The following ZNF525 variants were observed in gnomAD, a reference collection of about 807,000 sequenced individuals.
The protein encoded by ZNF525 is zinc finger protein 525.
ZNF525 carries 33 observed loss-of-function variants against 37.6 expected under a neutral mutation model. The observed-to-expected ratio is 0.88, with a 90% CI of 0.67 to 1.17. ZNF525 has a LOEUF of 1.17. Ranked by LOEUF, ZNF525 falls within the 50% of genes most tolerant of loss-of-function variation. The pLI, the probability that ZNF525 is intolerant of heterozygous loss-of-function variation, is 0.00. For synonymous variants in ZNF525, 170 were observed against 182.3 expected, an observed-to-expected ratio of 0.93 and a Z score of 0.54; for missense variants, 449 against 543.1, an observed-to-expected ratio of 0.83 and a Z score of 1.72.
rs1227275569 is a variant in ZNF525, at chr19:53,380,757, T to C, written c.178T>C (p.Ser60Pro). The stretch of plus-strand genomic sequence containing the variant: ...CAAATGCACAATGAAGGAGTTCTCA[T>C]CAACAGCACAAGGCAATACAGAAGT... ...SSKCTMKEFS[S>P]TAQGNTEVIH... Residue 60 changes from serine to proline, a missense_variant, in exon 4 of 4, where the codon TCA (serine) becomes CCA (proline). By Grantham distance (74) the Ser-to-Pro change is moderately conservative. Transcript: ENST00000474037. The C allele has an allele frequency of 1.5e-6, 2 of 1,321,928 alleles. No homozygotes were observed. Among genetic ancestry groups the C allele is most frequent in the Admixed American group, 3.4e-5 (2 of 57,986 alleles). The allele number at this position is 1,321,928 out of a possible 1,614,324, so 81.9% of individuals were successfully genotyped here.
At chr19:53,370,712 T>C (rs2085481976) in intron 1 of ZNF525, among the ~76,000 whole-genome samples, 1 of 151,996 alleles carries the variant, frequency 6.6e-6, no homozygotes. Flanking sequence ...TGCAGAAGAA[T>C]GGAAGAAACA....
chr19:53,378,501 C>T (rs899841808), intron 3 of ZNF525, among the ~76,000 whole-genome samples: 1 of 152,138 alleles, frequency 6.6e-6, no homozygotes, highest in Non-Finnish European at 1.5e-5. Context: ...CACTACACTC[C>T]AGCCTGGGTG....
chr19:53,371,554 A>T (rs1052585383), intron 1 of ZNF525, among the ~76,000 whole-genome samples: 2 of 152,136 alleles, frequency 1.3e-5, no homozygotes, highest in Non-Finnish European at 2.9e-5. Context: ...TTTTTAATAG[A>T]GACAAGGTTT....
intron 1 of ZNF525, among the ~76,000 whole-genome samples, chr19:53,370,413 CAAAAAA>C (rs202164037): frequency 8.5e-6 from 1 of 118,268 alleles, no homozygotes. Flanking sequence ...GACTCCATGT[CAAAAAA>C]AAAAAAAAAA....
intron 3 of ZNF525, among the ~76,000 whole-genome samples, chr19:53,379,659 CT>C (rs1345455888): frequency 1.3e-5 from 2 of 152,132 alleles, no homozygotes; most frequent in Non-Finnish European, 2.9e-5. Flanking sequence ...TTACATAAAG[CT>C]TTTCGGTATG....
intron 1 of ZNF525, among the ~76,000 whole-genome samples, chr19:53,369,715 C>CTTTTTT (rs57431960): frequency 1.6e-4 from 13 of 81,200 alleles, no homozygotes; most frequent in East Asian, 3.9e-4. Context: ...AAAGAAGTTT[C>CTTTTTT]TTTTTTTTTT....
chr19:53,374,180 G>A (rs1009376084), intron 2 of ZNF525, among the ~76,000 whole-genome samples: 8 of 151,962 alleles, frequency 5.3e-5, no homozygotes, highest in African/African-American at 1.9e-4. Context: ...TCCTTGCCCA[G>A]CCCCCAATAG....
At chr19:53,368,984 G>A (rs56850061) in intron 1 of ZNF525, among the ~76,000 whole-genome samples, 22,452 of 152,054 alleles carry the variant, frequency 0.15, 2,553 homozygotes, top group African/African-American at 0.31. Context: ...GCATGCATAC[G>A]TATCTGTAGT....
At position 53,382,097 on chromosome 19, in the gene ZNF525, T is replaced by G. The variant is rs1440229515; in HGVS notation, c.*78T>G. The G allele has an allele frequency of 7.2e-6, 11 of 1,523,492 alleles. No homozygotes were observed. In the African/African-American group the frequency reaches 1.5e-4, roughly 21 times the overall value. The allele number at this position is 1,523,492 out of a possible 1,614,324, so 94.4% of individuals were successfully genotyped here. A position where few individuals can be genotyped will look rare whatever the true frequency, so the allele number is the denominator to read the frequency against. ...ATGATTGTGGCAAGATCTTCAGTCA[T>G]ACGTCATCCATTGTATACCATCATA... On this transcript the variant is annotated 3_prime_UTR_variant, in exon 4 of 4. Coordinates refer to ENST00000474037, the MANE Select transcript of ZNF525 (RefSeq NM_001348156.2).
rs529269350 is a variant in ZNF525, at chr19:53,369,609, G to C, written c.-67-2606G>C. Among the ~76,000 whole-genome samples, 237 of 147,512 alleles carry C rather than the reference G, an allele frequency of 1.6e-3. 31 individuals carry two copies. The highest frequency in any genetic ancestry group is 5.9e-3 in the African/African-American group (230 of 38,728). ...CTTTTCACTGTTTTTAAGGTCAATA[G>C]CTGTGGGTTCGCACTTCTGCATTTT... On this transcript the variant is annotated intron_variant, in intron 1 of 3. Transcript: ENST00000474037.
rs550925054 is a variant in ZNF525 at position 53,385,634 on chromosome 19, C to G, written c.*3615C>G. ...CCTGGGAGGTCAAGATTGCAGTGAG[C>G]TATGATCATGCCACTGCACTCCAGC... On this transcript the variant is annotated 3_prime_UTR_variant, in exon 4 of 4. Transcript: ENST00000474037. The G allele has an allele frequency of 1.9e-4, 29 of 154,328 alleles. No homozygotes were observed. In the East Asian group the frequency reaches 5.5e-3, roughly 29 times the overall value. 9.6% of individuals were successfully genotyped at this position (154,328 alleles called of 1,614,324 possible).
intron 3 of ZNF525, 159 bp downstream of exon 3, chr19:53,376,055 G>T (rs1269760789): frequency 1.2e-5 from 18 of 1,492,606 alleles, no homozygotes; most frequent in Non-Finnish European, 1.6e-5. Context: ...TCAAGTGATT[G>T]TCCCACCTCA....
intron 1 of ZNF525, among the ~76,000 whole-genome samples, chr19:53,370,521 A>G (rs1387038367): frequency 6.6e-6 from 1 of 151,998 alleles, no homozygotes; most frequent in Non-Finnish European, 1.5e-5. Context: ...CCTCCCTGCA[A>G]CTTGGAGATG....
intron 1 of ZNF525, among the ~76,000 whole-genome samples, chr19:53,369,762 T>C (rs1415462014): frequency 8.7e-6 from 1 of 114,942 alleles, no homozygotes; most frequent in Non-Finnish European, 1.7e-5. Context: ...AGTCTCGCTG[T>C]CACCCAGGCT....
intron 2 of ZNF525, among the ~76,000 whole-genome samples, chr19:53,374,821 G>A (rs373445856): frequency 7.0e-4 from 105 of 149,588 alleles, no homozygotes; most frequent in African/African-American, 2.5e-3. Flanking sequence ...TCATTATTTT[G>A]TTGACAAATA....
rs1386047492 is a variant in ZNF525, at chr19:53,381,925, G to A, written c.1346G>A (p.Ser449Asn). 1 of 972,668 alleles carries A rather than the reference G, an allele frequency of 1.0e-6. No homozygotes were observed. Among genetic ancestry groups the A allele is most frequent in the Admixed American group, 1.7e-5 (1 of 59,230 alleles). 60.3% of individuals were successfully genotyped at this position (972,668 alleles called of 1,614,324 possible). Residue 449 changes from serine (S) to asparagine (N), a missense_variant, in exon 4 of 4, where the codon AGT (serine) becomes AAT (asparagine). Ser to Asn is a conservative substitution (Grantham distance 46, BLOSUM62 1). This residue lies in a region of ZNF525 where 178 missense variants were observed against 161.5 expected (regional missense o/e 1.10). Transcript: ENST00000474037. ...YKCNECGKTF[S>N]QELSLTCHCR... The stretch of plus-strand genomic sequence containing the variant: ...TGTAATGAGTGTGGCAAGACCTTCA[G>A]TCAGGAGTTATCCCTTACCTGCCAT...
Position 53,383,390 on chromosome 19 carries a change from G to T in ZNF525, c.*1371G>T, listed in dbSNP as rs1165339317. 8.8e-7 allele frequency: 1 copy of T among 1,133,910 alleles called. No homozygotes were observed. Among genetic ancestry groups the T allele is most frequent in the Non-Finnish European group, 1.3e-6 (1 of 784,086 alleles). 70.2% of individuals were successfully genotyped at this position (1,133,910 alleles called of 1,614,324 possible). On this transcript the variant is annotated 3_prime_UTR_variant, in exon 4 of 4. Transcript: ENST00000474037. ...GTCATCATAGAATTCATACTGGAGA[G>T]AAACCTTAGAAATGTGAAGAATGTG...
In ZNF525 at chr19:53,370,438, G is replaced by A. The variant is rs563756076; in HGVS notation, c.-67-1777G>A. ...CAAAAAAAAAAAAAAAAAAGAACAG[G>A]CACACCTTCTCACTCATCTCAGACC... On this transcript the variant is annotated intron_variant, in intron 1 of 3. Coordinates refer to ENST00000474037, the MANE Select transcript of ZNF525 (RefSeq NM_001348156.2). Among the ~76,000 whole-genome samples, 121 of 146,746 alleles carry A rather than the reference G, an allele frequency of 8.2e-4. 1 individual carries two copies. Among genetic ancestry groups the A allele is most frequent in the African/African-American group, 2.8e-3 (112 of 39,786 alleles).
At position 53,386,432 on chromosome 19, in the gene ZNF525, A is replaced by G. The variant is rs1258524851; in HGVS notation, c.*4413A>G. The stretch of plus-strand genomic sequence containing the variant: ...GCACACATATTTATGCTGTCTGAGC[A>G]TCACAATCACGTTACCATATCAAGC... On this transcript the variant is annotated 3_prime_UTR_variant, in exon 4 of 4. Transcript: ENST00000474037. The G allele has an allele frequency of 1.7e-5, 13 of 750,124 alleles. No homozygotes were observed. Among genetic ancestry groups the G allele is most frequent in the Non-Finnish European group, 3.0e-5 (13 of 427,264 alleles). The allele number at this position is 750,124 out of a possible 1,614,324, so 46.5% of individuals were successfully genotyped here.
Sources: gnomAD v4.1 joint callset for allele counts (sites outside exome capture counted in the v4.1 genomes callset) on GRCh38, gnomAD v4.1.1 for gene constraint, gnomAD v4.1.1 regional missense constraint, MANE v1.5 for transcripts, NCBI Gene and HGNC (gene_info 2026-07-23, HGNC 2026-07-21) for gene names.